The following SLC5A11 variants were observed in gnomAD, a reference collection of about 807,000 sequenced individuals.
SLC5A11 encodes the protein sodium/myo-inositol cotransporter 2.
A neutral mutation model predicts 69.8 loss-of-function variants in SLC5A11; 48 were observed. The ratio of observed to expected loss-of-function variants is 0.69; its 90% CI spans 0.55 to 0.87. The LOEUF is 0.87. Among genes scored for constraint, SLC5A11 ranks in the 40% least tolerant of loss-of-function variants. The pLI is 0.00. For missense variants in SLC5A11, 784 were observed against 866.1 expected (o/e 0.91, Z 1.19); for synonymous variants, 319 against 342.4 (o/e 0.93, Z 0.75).
intron 3 of SLC5A11, among the ~76,000 whole-genome samples, chr16:24,867,647 A>T (rs1345869658): frequency 6.6e-6 from 1 of 152,154 alleles, no homozygotes; most frequent in African/African-American, 2.4e-5. Flanking sequence ...AAGACAGAAG[A>T]TGCAAATTAA....
At chr16:24,847,783 G>A (rs1045040634) in intron 1 of SLC5A11, among the ~76,000 whole-genome samples, 1 of 152,220 alleles carries the variant, frequency 6.6e-6, no homozygotes, top group Admixed American at 6.5e-5. Context: ...GGCGGTCACA[G>A]CGTGCAAAGG....
intron 7 of SLC5A11, among the ~76,000 whole-genome samples, chr16:24,881,146 C>T (rs2048020215): frequency 6.6e-6 from 1 of 150,518 alleles, no homozygotes; most frequent in South Asian, 2.1e-4. Flanking sequence ...GCAGAGGCTG[C>T]AGTGATCTGA....
At chr16:24,847,937 CA>C (rs568617757) in intron 1 of SLC5A11, among the ~76,000 whole-genome samples, 55 of 152,294 alleles carry the variant, frequency 3.6e-4, no homozygotes, top group Non-Finnish European at 6.3e-4. Context: ...AAGGGGTAAT[CA>C]CACACATCAA....
At chr16:24,910,274 C>A in intron 14 of SLC5A11, 32 bp from the exon 16 acceptor site, 1 of 1,608,624 alleles carries the variant, frequency 6.2e-7, no homozygotes, top group South Asian at 1.1e-5. Flanking sequence ...CCACCTCCAC[C>A]ACAAATCTCA....
At chr16:24,896,938 C>T (rs274086) in intron 9 of SLC5A11, among the ~76,000 whole-genome samples, 27,129 of 141,698 alleles carry the variant, frequency 0.19, 3,385 homozygotes, top group South Asian at 0.42. Flanking sequence ...AGACAACCTC[C>T]TTCCTTTTTT....
At chr16:24,877,604 C>G (rs1311983224) in intron 7 of SLC5A11, among the ~76,000 whole-genome samples, 1 of 152,216 alleles carries the variant, frequency 6.6e-6, no homozygotes, top group African/African-American at 2.4e-5. Flanking sequence ...AATCCCAGCA[C>G]TTTGGGAAGC....
chr16:24,901,355 C>A (rs1334319255), intron 10 of SLC5A11, among the ~76,000 whole-genome samples: 1 of 152,170 alleles, frequency 6.6e-6, no homozygotes, highest in East Asian at 1.9e-4. Flanking sequence ...TGGCTCACAC[C>A]TATAATCCCA....
chr16:24,884,448 A>G (rs1289271614), intron 8 of SLC5A11, among the ~76,000 whole-genome samples: 1 of 151,642 alleles, frequency 6.6e-6, no homozygotes, highest in African/African-American at 2.4e-5. Flanking sequence ...CTCTCACCTC[A>G]GCCTCCTGAG....
intron 3 of SLC5A11, 35 bp from the exon 5 acceptor site, chr16:24,869,866 T>C: frequency 6.7e-7 from 1 of 1,496,564 alleles, no homozygotes; most frequent in Non-Finnish European, 9.3e-7. Flanking sequence ...CCCTTGACTT[T>C]GTCTCCAAGA....
At chr16:24,875,212 C>T (rs1182806711) in intron 5 of SLC5A11, among the ~76,000 whole-genome samples, 1 of 152,098 alleles carries the variant, frequency 6.6e-6, no homozygotes, top group Non-Finnish European at 1.5e-5. Flanking sequence ...GCAGGGTCTC[C>T]CTGTCACTTA....
chr16:24,866,356 T>G (rs1476470870), intron 3 of SLC5A11, among the ~76,000 whole-genome samples: 1 of 151,854 alleles, frequency 6.6e-6, no homozygotes, highest in Non-Finnish European at 1.5e-5. Context: ...CCCAGCACTT[T>G]GGGAGGCCAA....
intron 14 of SLC5A11, among the ~76,000 whole-genome samples, chr16:24,909,687 G>A (rs1052897701): frequency 1.3e-5 from 2 of 149,838 alleles, no homozygotes; most frequent in African/African-American, 4.9e-5. Flanking sequence ...AAATTAGCAG[G>A]GCGTGATGGC....
chr16:24,853,000 C>T (rs955960838), intron 1 of SLC5A11, among the ~76,000 whole-genome samples: 1 of 150,938 alleles, frequency 6.6e-6, no homozygotes, highest in Non-Finnish European at 1.5e-5. Flanking sequence ...CTATTGAGTC[C>T]CCAGGGTCTA....
intron 10 of SLC5A11, among the ~76,000 whole-genome samples, chr16:24,899,416 T>A (rs1363125819): frequency 6.6e-6 from 1 of 152,102 alleles, no homozygotes; most frequent in Non-Finnish European, 1.5e-5. Flanking sequence ...TTTGGATTTT[T>A]TTTTTTTTGA....
At position 24,875,110 on chromosome 16, in the gene SLC5A11, AT is replaced by A. The variant is rs143655023; in HGVS notation, c.373-515del. Among the ~76,000 whole-genome samples the A allele has an allele frequency of 3.0e-3, 462 of 152,204 alleles. 4 individuals carry two copies. Among genetic ancestry groups the A allele is most frequent in the African/African-American group, 9.0e-3 (373 of 41,520 alleles). On this transcript the variant is annotated intron_variant, in intron 5 of 15. Transcript: ENST00000347898. Reference sequence around the variant, plus strand: ...CACCTTGGCCTCCTAAAGTGCTAGGATTACAGGTGTAAGCCATCGTGCATGG... The same window carrying A: ...CACCTTGGCCTCCTAAAGTGCTAGGATACAGGTGTAAGCCATCGTGCATGG...
At chr16:24,884,202 A>C in intron 8 of SLC5A11, 71 bp downstream of exon 9, 1 of 1,458,932 alleles carries the variant, frequency 6.9e-7, no homozygotes, top group Non-Finnish European at 9.6e-7. Flanking sequence ...TGCTCTCCAC[A>C]CTGTGAACGG....
At chr16:24,910,974 G>A (rs765407154) in intron 15 of SLC5A11, among the ~76,000 whole-genome samples, 1 of 151,854 alleles carries the variant, frequency 6.6e-6, no homozygotes, top group African/African-American at 2.4e-5. Context: ...TTCAAGACCA[G>A]CCTGGCCAAC....
intron 3 of SLC5A11, among the ~76,000 whole-genome samples, chr16:24,864,159 G>T (rs1052080762): frequency 2.0e-5 from 3 of 152,168 alleles, no homozygotes; most frequent in African/African-American, 7.2e-5. Context: ...ATATTTCTGG[G>T]AATCTAGAAG....
Position 24,882,676 on chromosome 16 carries a change from C to T in SLC5A11, c.584-1375C>T, listed in dbSNP as rs564132837. Among the ~76,000 whole-genome samples, 15 of 152,284 alleles carry T rather than the reference C, an allele frequency of 9.9e-5. No individual in the cohort carries two copies. The South Asian group carries it at 2.5e-3, about 25-fold the overall frequency. On this transcript the variant is annotated intron_variant, in intron 7 of 15. Transcript: ENST00000347898. The stretch of plus-strand genomic sequence containing the variant: ...TATTTATTCTTTTGAGATGGAGTCT[C>T]GCTCTGTTGCCCAGGCTGGCGTGCA...
Sources: allele counts gnomAD v4.1 joint callset (sites outside exome capture counted in the v4.1 genomes callset), GRCh38; gene constraint gnomAD v4.1.1; transcripts MANE v1.5; gene names NCBI Gene and HGNC (gene_info 2026-07-23, HGNC 2026-07-21).